The following ARMCX2 variants were observed in gnomAD, a reference collection of about 807,000 sequenced individuals.
ARMCX2 encodes the protein armadillo repeat-containing X-linked protein 2.
A neutral mutation model predicts 17.0 loss-of-function variants in ARMCX2; 2 were observed. That is an observed-to-expected ratio of 0.12 (90% confidence interval 0.05 to 0.37). The LOEUF is 0.37. Ranked by LOEUF, ARMCX2 falls within the 10% of genes least tolerant of loss-of-function variation. ARMCX2 has a pLI of 1.00. For missense variants in ARMCX2, 408 were observed against 497.7 expected (o/e 0.82, Z 1.72); for synonymous variants, 182 against 195.2 (o/e 0.93, Z 0.57).
rs1556062995 is a variant in ARMCX2 at position 101,657,045 on chromosome X, C to T, written c.544G>A (p.Val182Met). The T allele has an allele frequency of 8.3e-7, 1 of 1,209,057 alleles. No individual in the cohort carries two copies. The highest frequency in any genetic ancestry group is 2.2e-5 in the Admixed American group (1 of 46,069). ...TSRAAVPPGT[V>M]VPTEAAAPTE... is the part of the protein sequence containing the mutation. ...GGTGCTGCCGCTTCGGTAGGCACCA[C>T]TGTCCCAGGAGGCACCGCTGCCCTG... The change falls in exon 6 of 6, where the codon GTG becomes ATG. Residue 182 changes from valine (V) to methionine (M), a missense_variant. By Grantham distance (21) the Val-to-Met change is conservative. Coordinates refer to ENST00000356824, the MANE Select transcript of ARMCX2 (RefSeq NM_177949.4).
rs1420620262 is a variant in ARMCX2, at chrX:101,659,164, G to A, written c.-335-16C>T. ...GGAAAGCAGTCTGCGAGTTAACAAG[G>A]CGGTTTAATACCAGATTCTCTCAGG... On this transcript the variant is annotated splice_polypyrimidine_tract_variant and intron_variant, in intron 2 of 5. Coordinates refer to ENST00000356824, the MANE Select transcript of ARMCX2 (RefSeq NM_177949.4). 2.7e-5 allele frequency: 3 copies of A among 110,699 alleles called. No homozygotes were observed. Among genetic ancestry groups the A allele is most frequent in the Non-Finnish European group, 5.7e-5 (3 of 52,862 alleles). 9.1% of individuals were successfully genotyped at this position (110,699 alleles called of 1,213,427 possible).
rs972055072 is a variant in ARMCX2 at position 101,659,105 on chromosome X, G to T, written c.-292C>A. 9.0e-6 allele frequency: 1 copy of T among 111,354 alleles called. No individual in the cohort carries two copies. The highest frequency in any genetic ancestry group is 1.9e-5 in the Non-Finnish European group (1 of 53,023). 9.2% of individuals were successfully genotyped at this position (111,354 alleles called of 1,213,427 possible). A position where few individuals can be genotyped will look rare whatever the true frequency, so the allele number is the denominator to read the frequency against. On this transcript the variant is annotated 5_prime_UTR_variant, in exon 3 of 6. Transcript: ENST00000356824. ...ATTCCTTTTCCAGGACTGAAAAGAC[G>T]GGGGGTGAACGGCTGTGTGGGCCGG...
chrX:101,657,080 G>C lies in ARMCX2; in HGVS notation c.509C>G (p.Ala170Gly), dbSNP rs782669292. 8.3e-7 allele frequency: 1 copy of C among 1,199,344 alleles called. No homozygotes were observed. The highest frequency in any genetic ancestry group is 1.1e-6 in the Non-Finnish European group (1 of 888,184). Reference protein sequence around the residue: ...APKVAEAPREAETSRAAVPPG... With the variant: ...APKVAEAPREGETSRAAVPPG... Reference sequence around the variant, plus strand: ...AGGCACCGCTGCCCTGGAAGTCTCCGCTTCTCTGGGAGCTTCTGCCACTTT... The same window carrying C: ...AGGCACCGCTGCCCTGGAAGTCTCCCCTTCTCTGGGAGCTTCTGCCACTTT... The change falls in exon 6 of 6, where the codon GCG becomes GGG. Residue 170 changes from alanine to glycine, a missense_variant. Transcript: ENST00000356824.
At position 101,655,746 on chromosome X, in the gene ARMCX2, T is replaced by G. The variant is rs1556047506; in HGVS notation, c.1843A>C (p.Asn615His). 3 of 1,167,450 alleles carry G rather than the reference T, an allele frequency of 2.6e-6. No individual in the cohort carries two copies. Among genetic ancestry groups the G allele is most frequent in the Admixed American group, 2.7e-5 (1 of 36,410 alleles). ...VCVKKIRALA[N>H]HHDLLVKVKV... ...ACTTTCACTAAGAGGTCATGGTGAT[T>G]TGCTAAGGCTCTAATTTTCTTAACA... The change falls in exon 6 of 6, where the codon AAT (asparagine) becomes CAT (histidine). Residue 615 changes from asparagine to histidine, a missense_variant. Coordinates refer to ENST00000356824, the MANE Select transcript of ARMCX2 (RefSeq NM_177949.4).
chrX:101,655,855 A>G lies in ARMCX2; in HGVS notation c.1734T>C (p.Tyr578=). The part of the protein sequence containing the change: ...INALTLFEII[Y]DNLRAEVFNY... ...TAAACACTTCTGCTCTGAGATTGTC[A>G]TAGATAATCTCAAATAGAGTAAGGG... Residue 578 remains tyrosine, a synonymous_variant, in exon 6 of 6, where the codon TAT becomes TAC. Coordinates refer to ENST00000356824, the MANE Select transcript of ARMCX2 (RefSeq NM_177949.4). 2 of 1,208,600 alleles carry G rather than the reference A, an allele frequency of 1.7e-6. No homozygotes were observed. The highest frequency in any genetic ancestry group is 1.7e-5 in the African/African-American group (1 of 57,749).
In ARMCX2 at chrX:101,655,660, T is replaced by C; in HGVS notation, c.*30A>G. ...TTCCACACTGCAAAATCATGAAATT[T>C]CTTCAAGTCTTTTGACGGTACATAA... On this transcript the variant is annotated 3_prime_UTR_variant, in exon 6 of 6. Coordinates refer to ENST00000356824, the MANE Select transcript of ARMCX2 (RefSeq NM_177949.4). 9.5e-7 allele frequency: 1 copy of C among 1,053,859 alleles called. No homozygotes were observed. The allele number at this position is 1,053,859 out of a possible 1,213,427, so 86.8% of individuals were successfully genotyped here.
Position 101,659,823 on chromosome X carries a change from T to A in ARMCX2, c.-484A>T, listed in dbSNP as rs782778773. 7 of 111,422 alleles carry A rather than the reference T, an allele frequency of 6.3e-5. No homozygotes were observed. Among genetic ancestry groups the A allele is most frequent in the Non-Finnish European group, 1.1e-4 (6 of 53,023 alleles). 9.2% of individuals were successfully genotyped at this position (111,422 alleles called of 1,213,427 possible). On this transcript the variant is annotated 5_prime_UTR_variant, in exon 1 of 6. Coordinates refer to ENST00000356824, the MANE Select transcript of ARMCX2 (RefSeq NM_177949.4). ...CTGGGTTAAACGCACGGCAGCGAGC[T>A]GCGCAATAGAGTTGGTACCCAGAGG...
chrX:101,657,654 T>C lies in ARMCX2; in HGVS notation c.-66A>G. 9.3e-7 allele frequency: 1 copy of C among 1,072,974 alleles called. No individual in the cohort carries two copies. The highest frequency in any genetic ancestry group is 1.3e-6 in the Non-Finnish European group (1 of 786,456). 88.4% of individuals were successfully genotyped at this position (1,072,974 alleles called of 1,213,427 possible). On this transcript the variant is annotated 5_prime_UTR_variant, in exon 6 of 6. Transcript: ENST00000356824. ...GGATTGCTTAAGGTTAAGGGATGCC[T>C]GCTCGTCCGGGTGAGGCTCTTCAGT...
At position 101,655,302 on chromosome X, in the gene ARMCX2, A is replaced by G. The variant is rs1414734323; in HGVS notation, c.*388T>C. 4.3e-5 allele frequency: 5 copies of G among 117,087 alleles called. No homozygotes were observed. The highest frequency in any genetic ancestry group is 1.8e-5 in the Non-Finnish European group (1 of 56,686). The allele number at this position is 117,087 out of a possible 1,213,427, so 9.6% of individuals were successfully genotyped here. ...CGACTTTTTGTCAGTTGAAACATAC[A>G]ACTTTATTGATGATACACAAATGAA... On this transcript the variant is annotated 3_prime_UTR_variant, in exon 6 of 6. Coordinates refer to ENST00000356824, the MANE Select transcript of ARMCX2 (RefSeq NM_177949.4).
rs1556071410 is a variant in ARMCX2, at chrX:101,657,503, C to G, written c.86G>C (p.Arg29Thr). ...TCTCTTCTTGGTCTGGTCTCTCCCC[C>G]TGGTGTATTTGTAGACACAGTACCA... ...GAWYCVYKYT[R>T]GRDQTKKRMA... is the part of the protein sequence containing the mutation. The change falls in exon 6 of 6, where the codon AGG becomes ACG. Residue 29 changes from arginine to threonine, a missense_variant. Arg to Thr is a moderately conservative substitution (Grantham distance 71). Around this residue, in one of 2 missense-constraint regions of ARMCX2, gnomAD observed 307 missense variants for 326.8 expected, o/e 0.94. Transcript: ENST00000356824. 5 of 1,210,545 alleles carry G rather than the reference C, an allele frequency of 4.1e-6. No individual in the cohort carries two copies. The Admixed American group carries it at 6.5e-5, about 16-fold the overall frequency.
In ARMCX2 at chrX:101,656,997, C is replaced by G. The variant is rs1489156261; in HGVS notation, c.592G>C (p.Gly198Arg). The G allele has an allele frequency of 8.3e-7, 1 of 1,209,671 alleles. No individual in the cohort carries two copies. Among genetic ancestry groups the G allele is most frequent in the Non-Finnish European group, 1.1e-6 (1 of 895,093 alleles). ...AAPTEVTEGP[G>R]VAAPTKVAEA... ...GCTACCTTGGTAGGTGCTGCTACCC[C>G]AGGACCCTCGGTCACCTCAGTGGGT... Residue 198 changes from glycine to arginine, a missense_variant, in exon 6 of 6, where the codon GGG (glycine) becomes CGG (arginine). This residue lies in a region of ARMCX2 where 307 missense variants were observed against 326.8 expected (regional missense o/e 0.94). Transcript: ENST00000356824.
chrX:101,656,625 C>T lies in ARMCX2; in HGVS notation c.964G>A (p.Ala322Thr). Reference sequence around the variant, plus strand: ...GCCTGTCCGCCATTAGCAGAGGCTGCAGCAGCTGCTGCAGCCCCATCTCCA... The same window carrying T: ...GCCTGTCCGCCATTAGCAGAGGCTGTAGCAGCTGCTGCAGCCCCATCTCCA... ...RPGDGAAAAAAASANGGQAFL... is the reference protein window; with the variant it reads ...RPGDGAAAAATASANGGQAFL... The change falls in exon 6 of 6, where the codon GCA becomes ACA. Residue 322 changes from alanine (A) to threonine (T), a missense_variant. This residue lies in a region of ARMCX2 where 307 missense variants were observed against 326.8 expected (regional missense o/e 0.94). Transcript: ENST00000356824. The T allele has an allele frequency of 8.3e-7, 1 of 1,210,882 alleles. No homozygotes were observed.
chrX:101,659,439 C>G lies in ARMCX2; in HGVS notation c.-356G>C, dbSNP rs1215146019. Reference sequence around the variant, plus strand: ...CCAACCTCCCTGCTGGCCTTCTATGCGCTGCCACGTTTATTTCTCTTCCCT... The same window carrying G: ...CCAACCTCCCTGCTGGCCTTCTATGGGCTGCCACGTTTATTTCTCTTCCCT... On this transcript the variant is annotated 5_prime_UTR_variant, in exon 2 of 6. Coordinates refer to ENST00000356824, the MANE Select transcript of ARMCX2 (RefSeq NM_177949.4). 1 of 110,056 alleles carries G rather than the reference C, an allele frequency of 9.1e-6. No individual in the cohort carries two copies. The highest frequency in any genetic ancestry group is 1.9e-5 in the Non-Finnish European group (1 of 52,689). The allele number at this position is 110,056 out of a possible 1,213,427, so 9.1% of individuals were successfully genotyped here. A position where few individuals can be genotyped will look rare whatever the true frequency, so the allele number is the denominator to read the frequency against.
At chrX:101,659,588 T>C (rs1306060789) in intron 1 of ARMCX2, 87 bp from the exon 2 acceptor site, 1 of 109,591 alleles carries the variant, frequency 9.1e-6, no homozygotes, top group Non-Finnish European at 1.9e-5. Flanking sequence ...TCTTTTCGTT[T>C]CCCCCTCCCC....
chrX:101,657,616 A>G lies in ARMCX2; in HGVS notation c.-28T>C. The G allele has an allele frequency of 8.5e-7, 1 of 1,180,945 alleles. No homozygotes were observed. The highest frequency in any genetic ancestry group is 1.1e-6 in the Non-Finnish European group (1 of 873,934). ...TGCAGCTGGGGTTATTCACTGATCC[A>G]GGGCGTGGAACTGGATTGCTTAAGG... On this transcript the variant is annotated 5_prime_UTR_variant, in exon 6 of 6. Coordinates refer to ENST00000356824, the MANE Select transcript of ARMCX2 (RefSeq NM_177949.4).
chrX:101,658,572 G>C (rs1936437334), intron 3 of ARMCX2, 47 bp from the exon 4 acceptor site: 1 of 112,307 alleles, frequency 8.9e-6, no homozygotes, highest in African/African-American at 3.2e-5. Flanking sequence ...ATGAAAGCCT[G>C]GTGGATGGAT....
rs782678666 is a variant in ARMCX2 at position 101,657,285 on chromosome X, C to T, written c.304G>A (p.Ala102Thr). The change falls in exon 6 of 6, where the codon GCA (alanine) becomes ACA (threonine). Residue 102 changes from alanine (A) to threonine (T), a missense_variant. Around this residue, in one of 2 missense-constraint regions of ARMCX2, gnomAD observed 307 missense variants for 326.8 expected, o/e 0.94. Transcript: ENST00000356824. ...CCACTCTGAGCCTCAGCGCTGGATG[C>T]AGCTGGGGCCACTGCCTCAGCTCCA... Reference protein sequence around the residue: ...TVGAEAVAPAASSAEAQSGAG... With the variant: ...TVGAEAVAPATSSAEAQSGAG... 8.3e-7 allele frequency: 1 copy of T among 1,209,274 alleles called. No individual in the cohort carries two copies. The highest frequency in any genetic ancestry group is 1.1e-6 in the Non-Finnish European group (1 of 893,089).
In ARMCX2 at chrX:101,657,028, C is replaced by G; in HGVS notation, c.561G>C (p.Ala187=). The stretch of plus-strand genomic sequence containing the variant: ...CCTCGGTCACCTCAGTGGGTGCTGC[C>G]GCTTCGGTAGGCACCACTGTCCCAG... ...VPPGTVVPTE[A]AAPTEVTEGP... The change falls in exon 6 of 6, where the codon GCG becomes GCC. Residue 187 remains alanine, a synonymous_variant. Coordinates refer to ENST00000356824, the MANE Select transcript of ARMCX2 (RefSeq NM_177949.4). The G allele has an allele frequency of 8.3e-7, 1 of 1,210,243 alleles. No individual in the cohort carries two copies. Among genetic ancestry groups the G allele is most frequent in the African/African-American group, 1.7e-5 (1 of 57,762 alleles).
Position 101,656,557 on chromosome X carries a change from C to T in ARMCX2, c.1032G>A (p.Gly344=), listed in dbSNP as rs1556056213. The T allele has an allele frequency of 1.5e-5, 18 of 1,207,767 alleles. No homozygotes were observed. The highest frequency in any genetic ancestry group is 2.0e-5 in the Non-Finnish European group (18 of 894,612). ...CTGAATCTGACTCTGTGTCAGTCCA[C>T]CCGGACTCCCCTTCCTCAGAATCAG... ...EVPDSEEGES[G]WTDTESDSDS... is the part of the protein sequence containing the mutation. The change falls in exon 6 of 6, where the codon GGG becomes GGA. Residue 344 remains glycine (G), a synonymous_variant. Coordinates refer to ENST00000356824, the MANE Select transcript of ARMCX2 (RefSeq NM_177949.4).
Sources: gnomAD v4.1 joint callset for allele counts on GRCh38, gnomAD v4.1.1 for gene constraint, gnomAD v4.1.1 regional missense constraint, MANE v1.5 for transcripts, NCBI Gene and HGNC (gene_info 2026-07-23, HGNC 2026-07-21) for gene names.